The following ATP1B1 variants were observed in gnomAD, a reference collection of about 807,000 sequenced individuals.
ATP1B1 encodes the protein sodium/potassium-transporting ATPase subunit beta-1.
ATP1B1 carries 3 observed loss-of-function variants against 39.6 expected under a neutral mutation model. The ratio of observed to expected loss-of-function variants is 0.08; its 90% confidence interval spans 0.03 to 0.20. ATP1B1 has a LOEUF of 0.20. Among genes scored for constraint, ATP1B1 ranks in the 10% least tolerant of loss-of-function variants. The pLI, the probability that ATP1B1 is intolerant of heterozygous loss-of-function variation, is 1.00. For synonymous variants in ATP1B1, 139 were observed against 135.0 expected (o/e 1.03, Z -0.20); for missense variants, 216 against 371.1 (o/e 0.58, Z 3.43).
chr1:169,108,854 T>C (rs1156560831), intron 1 of ATP1B1, among the ~76,000 whole-genome samples: 1 of 152,200 alleles, frequency 6.6e-6, no homozygotes, highest in Non-Finnish European at 1.5e-5. Flanking sequence ...GGGCTAAAAA[T>C]CCCCTTTTTG....
intron 4 of ATP1B1, among the ~76,000 whole-genome samples, chr1:169,128,206 T>C (rs987237147): frequency 6.6e-6 from 1 of 152,174 alleles, no homozygotes; most frequent in African/African-American, 2.4e-5. Flanking sequence ...GGTTTCCCCC[T>C]AATCACCCGT....
chr1:169,127,173 ACTG>A (rs1658105112), intron 3 of ATP1B1, 48 bp from the exon 4 acceptor site: 2 of 1,509,238 alleles, frequency 1.3e-6, no homozygotes, highest in South Asian at 2.8e-5. Flanking sequence ...TTTTCTTAGA[ACTG>A]CTAAGGGAAT....
Position 169,131,656 on chromosome 1 carries a change from C to T in ATP1B1, c.*101C>T, listed in dbSNP as rs1571230284. On this transcript the variant is annotated 3_prime_UTR_variant, in exon 6 of 6. Transcript: ENST00000367815. This position sits in a 1 kb window ranked among gnomAD's most constrained non-coding sequence, Gnocchi z 4.4. ...GAACAAACTGTCATACGTATGGGAC[C>T]TACACTTAATCTATATGCTTTACAC... 2 of 1,336,468 alleles carry T rather than the reference C, an allele frequency of 1.5e-6. No individual in the cohort carries two copies. Among genetic ancestry groups the T allele is most frequent in the East Asian group, 2.4e-5 (1 of 42,228 alleles). 82.8% of individuals were successfully genotyped at this position (1,336,468 alleles called of 1,614,324 possible). A position where few individuals can be genotyped will look rare whatever the true frequency, so the allele number is the denominator to read the frequency against.
intron 2 of ATP1B1, among the ~76,000 whole-genome samples, chr1:169,114,026 A>G (rs1440488060): frequency 1.3e-5 from 2 of 151,964 alleles, no homozygotes; most frequent in Admixed American, 1.3e-4. Context: ...AACCTTGATC[A>G]GGCCAGGCCA....
rs574768278 is a variant in ATP1B1 at position 169,110,475 on chromosome 1, T to C, written c.98-895T>C. The stretch of plus-strand genomic sequence containing the variant: ...TGGCACAGGACTGCCAGGCAATGCC[T>C]AGTACAGCCTGTTACTATGCAGCTA... On this transcript the variant is annotated intron_variant, in intron 1 of 5. Coordinates refer to ENST00000367815, the MANE Select transcript of ATP1B1 (RefSeq NM_001677.4). 4 of 195,624 alleles carry C rather than the reference T, an allele frequency of 2.0e-5. No homozygotes were observed. In the East Asian group the frequency reaches 7.5e-4, roughly 37 times the overall value. The allele number at this position is 195,624 out of a possible 1,614,324, so 12.1% of individuals were successfully genotyped here.
chr1:169,111,527 C>G, intron 2 of ATP1B1, 29 bp downstream of exon 2: 1 of 1,606,750 alleles, frequency 6.2e-7, no homozygotes, highest in Non-Finnish European at 8.5e-7. Flanking sequence ...GCTTCATTTC[C>G]TTCAGAGATA....
intron 1 of ATP1B1, among the ~76,000 whole-genome samples, chr1:169,107,594 C>A (rs1275826196): frequency 6.6e-6 from 1 of 152,130 alleles, no homozygotes; most frequent in East Asian, 1.9e-4. Flanking sequence ...AAGGTCTACA[C>A]AGACAGTTGT....
intron 4 of ATP1B1, among the ~76,000 whole-genome samples, chr1:169,129,655 T>G (rs1004632407): frequency 6.6e-6 from 1 of 152,254 alleles, no homozygotes; most frequent in African/African-American, 2.4e-5. Flanking sequence ...ATCTTTCTCA[T>G]GTAATCTAAT....
chr1:169,117,959 A>G (rs1657886873), intron 2 of ATP1B1, among the ~76,000 whole-genome samples: 1 of 152,244 alleles, frequency 6.6e-6, no homozygotes, highest in African/African-American at 2.4e-5. Flanking sequence ...CAAATATACT[A>G]TATGTACTTG....
chr1:169,120,213 G>A (rs923197442), intron 2 of ATP1B1, among the ~76,000 whole-genome samples: 1 of 152,138 alleles, frequency 6.6e-6, no homozygotes, highest in Non-Finnish European at 1.5e-5. Flanking sequence ...AGGAGGCAGC[G>A]GCCACTTGAC....
chr1:169,121,303 T>C (rs1218531112), intron 2 of ATP1B1, among the ~76,000 whole-genome samples: 1 of 152,188 alleles, frequency 6.6e-6, no homozygotes, highest in Non-Finnish European at 1.5e-5. Context: ...TCATAGTCTA[T>C]CAGTAAACAT....
chr1:169,120,950 C>CTTTTT (rs5778600), intron 2 of ATP1B1, among the ~76,000 whole-genome samples: 51 of 134,818 alleles, frequency 3.8e-4, no homozygotes, highest in East Asian at 4.3e-4. Flanking sequence ...CTTTTCTTTT[C>CTTTTT]TTTTTTTTTT....
chr1:169,129,241 A>G (rs1255076051), intron 4 of ATP1B1, among the ~76,000 whole-genome samples: 2 of 152,222 alleles, frequency 1.3e-5, no homozygotes, highest in Non-Finnish European at 2.9e-5. Flanking sequence ...TCTCACATCA[A>G]GACTCACTTG....
chr1:169,106,971 C>A (rs755922216), intron 1 of ATP1B1, 45 bp downstream of exon 1: 2 of 1,530,074 alleles, frequency 1.3e-6, no homozygotes, highest in South Asian at 1.2e-5. Flanking sequence ...TCTGATCTTT[C>A]CCGGGCGGCG....
chr1:169,122,746 A>ATT (rs753882699), intron 2 of ATP1B1, among the ~76,000 whole-genome samples: 61 of 82,388 alleles, frequency 7.4e-4, no homozygotes, highest in African/African-American at 2.2e-3. Context: ...TTTCAGGATG[A>ATT]TTTTTTTTTT....
rs1166950149 is a variant in ATP1B1 at position 169,129,577 on chromosome 1, A to G, written c.568-433A>G. On this transcript the variant is annotated intron_variant, in intron 4 of 5. Coordinates refer to ENST00000367815, the MANE Select transcript of ATP1B1 (RefSeq NM_001677.4). ...CTACTTGAAGTCATGCTTGAGGGAA[A>G]AGGATGACATTATTTATTCATGACT... Among the ~76,000 whole-genome samples, 5 of 152,250 alleles carry G rather than the reference A, an allele frequency of 3.3e-5. No individual in the cohort carries two copies. In the East Asian group the frequency reaches 9.6e-4, roughly 29 times the overall value.
intron 2 of ATP1B1, 105 bp downstream of exon 2, chr1:169,111,603 A>G: frequency 1.4e-6 from 2 of 1,436,048 alleles, no homozygotes; most frequent in South Asian, 2.8e-5. Context: ...TGTAGTCTTA[A>G]AGCAACCATG....
At position 169,131,504 on chromosome 1, in the gene ATP1B1, G is replaced by C. The variant is rs755703117; in HGVS notation, c.861G>C (p.Glu287Asp). 1 of 1,614,066 alleles carries C rather than the reference G, an allele frequency of 6.2e-7. No individual in the cohort carries two copies. Among genetic ancestry groups the C allele is most frequent in the Admixed American group, 1.7e-5 (1 of 60,020 alleles). ...KAYGENIGYS[E>D]KDRFQGRFDV... The stretch of plus-strand genomic sequence containing the variant: ...ACGGTGAGAACATTGGGTACAGTGA[G>C]AAAGACCGTTTTCAGGGACGTTTTG... Residue 287 changes from glutamate to aspartate, a missense_variant, in exon 6 of 6, where the codon GAG (glutamate) becomes GAC (aspartate). Glu to Asp is a conservative substitution (Grantham distance 45, BLOSUM62 2). Coordinates refer to ENST00000367815, the MANE Select transcript of ATP1B1 (RefSeq NM_001677.4). This position sits in a 1 kb window ranked among gnomAD's most constrained non-coding sequence, Gnocchi z 4.4.
chr1:169,113,519 G>T (rs1211197443), intron 2 of ATP1B1, among the ~76,000 whole-genome samples: 2 of 151,664 alleles, frequency 1.3e-5, no homozygotes, highest in East Asian at 1.9e-4. Flanking sequence ...AATTCTCTTT[G>T]TGCCCTTTGC....
Sources: gnomAD v4.1 joint callset for allele counts (sites outside exome capture counted in the v4.1 genomes callset) on GRCh38, gnomAD v4.1.1 for gene constraint, Gnocchi (gnomAD v3.1) non-coding constraint, MANE v1.5 for transcripts, NCBI Gene and HGNC (gene_info 2026-07-23, HGNC 2026-07-21) for gene names.